The following ILRUN variants were observed in gnomAD, a reference collection of about 807,000 sequenced individuals.
The protein encoded by ILRUN is inflammation and lipid regulator with UBA-like and NBR1-like domains, also known as protein ILRUN.
A neutral mutation model predicts 33.8 loss-of-function variants in ILRUN; 3 were observed. The ratio of observed to expected loss-of-function variants is 0.09; its 90% CI spans 0.04 to 0.23. The LOEUF is 0.23. ILRUN is among the 10% of genes least tolerant of loss of function. ILRUN has a pLI of 1.00. For synonymous variants in ILRUN, 124 were observed against 138.9 expected, an observed-to-expected ratio of 0.89 and a Z score of 0.75; for missense variants, 210 against 375.1, an observed-to-expected ratio of 0.56 and a Z score of 3.64.
rs1761270803 is a variant in ILRUN at position 34,590,333 on chromosome 6, T to C, written c.*232A>G. 3 of 397,990 alleles carry C rather than the reference T, an allele frequency of 7.5e-6. No homozygotes were observed. Among genetic ancestry groups the C allele is most frequent in the Non-Finnish European group, 1.3e-5 (3 of 226,072 alleles). 24.7% of individuals were successfully genotyped at this position (397,990 alleles called of 1,614,324 possible). ...TATAACAAAACCCAAAGTGGCTGCATGGATTTCTTCTTGGTAGCCTCAACA... is the reference window on the plus strand; with the variant it reads ...TATAACAAAACCCAAAGTGGCTGCACGGATTTCTTCTTGGTAGCCTCAACA... On this transcript the variant is annotated 3_prime_UTR_variant, in exon 5 of 5. Transcript: ENST00000374023.
At chr6:34,683,514 A>ATG (rs1562033377) in intron 1 of ILRUN, among the ~76,000 whole-genome samples, 6 of 65,962 alleles carry the variant, frequency 9.1e-5, no homozygotes, top group Non-Finnish European at 1.1e-4. Context: ...ATATATATAT[A>ATG]CATATATATA....
intron 3 of ILRUN, among the ~76,000 whole-genome samples, chr6:34,640,438 C>T (rs1055074705): frequency 1.3e-5 from 2 of 152,026 alleles, no homozygotes; most frequent in African/African-American, 2.4e-5. Flanking sequence ...GTGGGCCGGG[C>T]GCGGTGGCTC....
intron 3 of ILRUN, among the ~76,000 whole-genome samples, chr6:34,612,004 T>C (rs531221326): frequency 6.6e-5 from 10 of 152,280 alleles, no homozygotes; most frequent in African/African-American, 1.9e-4. Flanking sequence ...GGACCACAAA[T>C]GTCCCAGAGA....
At chr6:34,601,902 G>A (rs985636004) in intron 4 of ILRUN, among the ~76,000 whole-genome samples, 2 of 152,010 alleles carry the variant, frequency 1.3e-5, no homozygotes, top group South Asian at 4.2e-4. Flanking sequence ...TGGGGGTGGG[G>A]GAAGAGAATA....
At chr6:34,622,106 A>T (rs1762024733) in intron 3 of ILRUN, among the ~76,000 whole-genome samples, 1 of 152,190 alleles carries the variant, frequency 6.6e-6, no homozygotes, top group African/African-American at 2.4e-5. Context: ...CTCAAAATGG[A>T]TCAAAGACCT....
chr6:34,672,558 A>AT (rs1241082242), intron 1 of ILRUN, among the ~76,000 whole-genome samples: 1 of 151,964 alleles, frequency 6.6e-6, no homozygotes, highest in Non-Finnish European at 1.5e-5. Flanking sequence ...TTTAAAAAAA[A>AT]TTTTTTTTAA....
chr6:34,618,568 C>T (rs1456775290), intron 3 of ILRUN, among the ~76,000 whole-genome samples: 1 of 152,222 alleles, frequency 6.6e-6, no homozygotes, highest in Admixed American at 6.5e-5. Context: ...CTTCCCTCCT[C>T]CTTCCTGTTC....
intron 3 of ILRUN, among the ~76,000 whole-genome samples, chr6:34,620,273 T>C (rs922158889): frequency 6.6e-6 from 1 of 151,966 alleles, no homozygotes; most frequent in Non-Finnish European, 1.5e-5. Context: ...ACCGTAAAAA[T>C]GGAGATAAGG....
At chr6:34,655,270 C>T (rs578212367) in intron 1 of ILRUN, among the ~76,000 whole-genome samples, 1 of 152,240 alleles carries the variant, frequency 6.6e-6, no homozygotes, top group Non-Finnish European at 1.5e-5. Context: ...AGCCACTGAG[C>T]CCAGCCAGAA....
At chr6:34,643,565 A>C (rs1330596846) in intron 3 of ILRUN, among the ~76,000 whole-genome samples, 2 of 152,236 alleles carry the variant, frequency 1.3e-5, no homozygotes, top group Non-Finnish European at 2.9e-5. Flanking sequence ...AATGTAAAAA[A>C]AAACCTGCAT....
At chr6:34,696,412 CG>C (rs1485835403) in intron 1 of ILRUN, 33 bp downstream of exon 1, 1 of 1,543,220 alleles carries the variant, frequency 6.5e-7, no homozygotes, top group Non-Finnish European at 8.7e-7. Flanking sequence ...CCCCCGAGGC[CG>C]CTGCCAGCGC....
chr6:34,621,052 TC>T (rs1049461459), intron 3 of ILRUN, among the ~76,000 whole-genome samples: 20 of 152,246 alleles, frequency 1.3e-4, no homozygotes, highest in African/African-American at 4.6e-4. Flanking sequence ...AAATACATAT[TC>T]CTTAGCCACT....
intron 1 of ILRUN, among the ~76,000 whole-genome samples, chr6:34,679,140 A>G (rs2744941): frequency 0.45 from 65,333 of 144,930 alleles, 16,472 homozygotes; most frequent in African/African-American, 0.7. Flanking sequence ...TAAAATAAAA[A>G]TTGGGAGGAA....
intron 1 of ILRUN, among the ~76,000 whole-genome samples, chr6:34,663,423 AAAG>A (rs1319195682): frequency 6.6e-6 from 1 of 152,224 alleles, no homozygotes; most frequent in Non-Finnish European, 1.5e-5. Context: ...ACCCTGTCTC[AAAG>A]AAGAAAATGA....
At chr6:34,591,620 CT>C (rs1453931894) in intron 4 of ILRUN, among the ~76,000 whole-genome samples, 1 of 152,068 alleles carries the variant, frequency 6.6e-6, no homozygotes, top group African/African-American at 2.4e-5. Context: ...CTGCCTCAGC[CT>C]CCCAAGTAGC....
At chr6:34,599,189 G>C (rs1276248519) in intron 4 of ILRUN, among the ~76,000 whole-genome samples, 2 of 152,222 alleles carry the variant, frequency 1.3e-5, no homozygotes, top group Non-Finnish European at 2.9e-5. Context: ...TTTGCTGTGT[G>C]AATGTGAGTA....
chr6:34,605,386 G>C (rs549651152), intron 4 of ILRUN, among the ~76,000 whole-genome samples: 5 of 150,612 alleles, frequency 3.3e-5, no homozygotes, highest in Non-Finnish European at 7.4e-5. Flanking sequence ...CCAGCACTTC[G>C]GGAGGCCAAG....
intron 3 of ILRUN, among the ~76,000 whole-genome samples, chr6:34,633,990 G>A (rs1279345346): frequency 6.7e-6 from 1 of 150,328 alleles, no homozygotes; most frequent in African/African-American, 2.4e-5. Flanking sequence ...ACAAAGCTGG[G>A]AGCACATGCC....
At chr6:34,627,993 G>A (rs1365710582) in intron 3 of ILRUN, among the ~76,000 whole-genome samples, 2 of 151,504 alleles carry the variant, frequency 1.3e-5, no homozygotes, top group African/African-American at 2.4e-5. Context: ...ATGAGCCACC[G>A]CCCCTGGGCC....
Sources: gnomAD v4.1 joint callset for allele counts (sites outside exome capture counted in the v4.1 genomes callset) on GRCh38, gnomAD v4.1.1 for gene constraint, MANE v1.5 for transcripts, NCBI Gene and HGNC (gene_info 2026-07-23, HGNC 2026-07-21) for gene names.